SLC25A16: variants seen among roughly 807,000 people sequenced by gnomAD.
SLC25A16 encodes solute carrier family 25 member 16.
In SLC25A16, 39 loss-of-function variants were observed where a neutral mutation model predicts 41.5. The ratio of observed to expected loss-of-function variants is 0.94; its 90% CI spans 0.73 to 1.23. The LOEUF (loss-of-function observed/expected upper bound fraction) is 1.23. Among genes scored for constraint, SLC25A16 ranks in the 50% most tolerant of loss-of-function variants. The pLI is 0.00. For missense variants in SLC25A16, 421 were observed against 426.9 expected (o/e 0.99, Z 0.12); for synonymous variants, 146 against 147.8 (o/e 0.99, Z 0.09).
intron 2 of SLC25A16, among the ~76,000 whole-genome samples, chr10:68,515,997 A>G (rs2053155527): frequency 6.6e-6 from 1 of 152,150 alleles, no homozygotes; most frequent in African/African-American, 2.4e-5. Flanking sequence ...ATTATAATGG[A>G]TAAGAAATAT....
intron 3 of SLC25A16, among the ~76,000 whole-genome samples, chr10:68,504,056 C>T (rs938347723): frequency 7.4e-6 from 1 of 135,828 alleles, no homozygotes; most frequent in Admixed American, 8.2e-5. Context: ...GATGAAGTCT[C>T]GCTCTGTGTC....
chr10:68,507,318 G>A (rs1472566854), intron 2 of SLC25A16, among the ~76,000 whole-genome samples: 2 of 151,838 alleles, frequency 1.3e-5, no homozygotes, highest in African/African-American at 4.8e-5. Context: ...TGATCCACCC[G>A]TCTCGGCCTC....
intron 4 of SLC25A16, among the ~76,000 whole-genome samples, chr10:68,502,133 TG>T (rs55743073): frequency 0.73 from 110,797 of 151,376 alleles, 41,609 homozygotes; most frequent in East Asian, 0.84. Context: ...AGGCAGAGGT[TG>T]CAGTGAGCTG....
intron 1 of SLC25A16, among the ~76,000 whole-genome samples, chr10:68,520,248 C>T (rs922891056): frequency 6.6e-6 from 1 of 152,056 alleles, no homozygotes; most frequent in East Asian, 1.9e-4. Context: ...TGAGCCACCG[C>T]ACCCAGCCTA....
intron 6 of SLC25A16, among the ~76,000 whole-genome samples, chr10:68,489,195 G>C (rs2052615869): frequency 6.6e-6 from 1 of 152,130 alleles, no homozygotes; most frequent in African/African-American, 2.4e-5. Context: ...TTTGAACCCA[G>C]GAGGCGGAGT....
intron 2 of SLC25A16, among the ~76,000 whole-genome samples, chr10:68,509,309 C>A (rs2053013445): frequency 6.6e-6 from 1 of 152,104 alleles, no homozygotes; most frequent in Middle Eastern, 3.4e-3. Context: ...TGCACTCCAG[C>A]CTGGGCAACA....
At chr10:68,503,997 G>A (rs1412443384) in intron 3 of SLC25A16, among the ~76,000 whole-genome samples, 3 of 150,660 alleles carry the variant, frequency 2.0e-5, no homozygotes, top group Non-Finnish European at 4.4e-5. Flanking sequence ...GTGACTGGGG[G>A]TAGTAGGAAT....
intron 6 of SLC25A16, among the ~76,000 whole-genome samples, chr10:68,490,133 G>A (rs903546068): frequency 3.3e-5 from 5 of 151,932 alleles, no homozygotes; most frequent in African/African-American, 9.7e-5. Context: ...GCAGTGTTAC[G>A]TGTCTGCAGT....
Position 68,478,471 on chromosome 10 carries a change from T to A in SLC25A16, c.*4961A>T, listed in dbSNP as rs1325787799. 1.3e-5 allele frequency: 2 copies of A among 152,124 alleles called. No homozygotes were observed. The highest frequency in any genetic ancestry group is 4.8e-5 in the African/African-American group (2 of 41,442). 9.4% of individuals were successfully genotyped at this position (152,124 alleles called of 1,614,324 possible). A position where few individuals can be genotyped will look rare whatever the true frequency, so the allele number is the denominator to read the frequency against. On this transcript the variant is annotated 3_prime_UTR_variant, in exon 9 of 9. Transcript: ENST00000609923. ...TGATCCAACTCTGCAAGGCAACCCA[T>A]TAATTGTACATAGTTTGGGAATAAT...
chr10:68,509,038 A>G (rs951898726), intron 2 of SLC25A16, among the ~76,000 whole-genome samples: 1 of 152,162 alleles, frequency 6.6e-6, no homozygotes, highest in South Asian at 2.1e-4. Flanking sequence ...AAATAGATAC[A>G]GTACTTCTAA....
intron 1 of SLC25A16, among the ~76,000 whole-genome samples, chr10:68,522,205 A>C (rs1479508471): frequency 1.3e-5 from 2 of 152,080 alleles, no homozygotes; most frequent in South Asian, 2.1e-4. Flanking sequence ...TACATTACTT[A>C]TACGTGCAAT....
rs537465983 is a variant in SLC25A16, at chr10:68,523,241, C to T, written c.130+4005G>A. 1.3e-4 allele frequency among the ~76,000 whole-genome samples: 20 copies of T among 152,032 alleles called. No individual in the cohort carries two copies. In the South Asian group the frequency reaches 3.9e-3, roughly 30 times the overall value. ...AGTAGCTGGGACTACAACAGGTGGGCGCCACCATGCCCAGCTAATTTTTGT... is the reference window on the plus strand; with the variant it reads ...AGTAGCTGGGACTACAACAGGTGGGTGCCACCATGCCCAGCTAATTTTTGT... On this transcript the variant is annotated intron_variant, in intron 1 of 8. Coordinates refer to ENST00000609923, the MANE Select transcript of SLC25A16 (RefSeq NM_152707.4).
At chr10:68,485,446 A>G (rs1459749390) in intron 8 of SLC25A16, among the ~76,000 whole-genome samples, 2 of 150,712 alleles carry the variant, frequency 1.3e-5, no homozygotes, top group Non-Finnish European at 3.0e-5. Context: ...GTGCAGTGGC[A>G]TGATCTTGGC....
At chr10:68,521,089 G>A (rs1036414830) in intron 1 of SLC25A16, among the ~76,000 whole-genome samples, 122 of 151,750 alleles carry the variant, frequency 8.0e-4, no homozygotes, top group African/African-American at 2.7e-3. Flanking sequence ...AGCCGAGATC[G>A]CGCCACTGCA....
rs183267265 is a variant in SLC25A16 at position 68,504,846 on chromosome 10, A to G, written c.358-1151T>C. Among the ~76,000 whole-genome samples, 570 of 152,050 alleles carry G rather than the reference A, an allele frequency of 3.7e-3. 5 individuals carry two copies. The highest frequency in any genetic ancestry group is 0.013 in the African/African-American group (552 of 41,472). ...TAGGCATGCGCCACCACATCCAGCT[A>G]ATTTTGTATTTTTAGTAGAGAAGGG... On this transcript the variant is annotated intron_variant, in intron 3 of 8. Transcript: ENST00000609923.
chr10:68,493,540 A>G lies in SLC25A16; in HGVS notation c.452T>C (p.Leu151Pro), dbSNP rs1350021024. Reference protein sequence around the residue: ...GMTAVICTYPLDMVRVRLAFQ... With the variant: ...GMTAVICTYPPDMVRVRLAFQ... Reference sequence around the variant, plus strand: ...TGCTAGGCGGACCCTAACCATGTCAAGAGGGTAAGTACAGATAACTGCTGT... The same window carrying G: ...TGCTAGGCGGACCCTAACCATGTCAGGAGGGTAAGTACAGATAACTGCTGT... Residue 151 changes from leucine (L) to proline (P), a missense_variant, in exon 5 of 9, where the codon CTT (leucine) becomes CCT (proline). Coordinates refer to ENST00000609923, the MANE Select transcript of SLC25A16 (RefSeq NM_152707.4). 2 of 1,613,146 alleles carry G rather than the reference A, an allele frequency of 1.2e-6. No homozygotes were observed. Among genetic ancestry groups the G allele is most frequent in the South Asian group, 2.2e-5 (2 of 91,062 alleles).
At position 68,493,524 on chromosome 10, in the gene SLC25A16, G is replaced by A. The variant is rs772417658; in HGVS notation, c.468C>T (p.Val156=). The A allele has an allele frequency of 2.5e-6, 4 of 1,612,734 alleles. No homozygotes were observed. Among genetic ancestry groups the A allele is most frequent in the Non-Finnish European group, 3.4e-6 (4 of 1,178,908 alleles). ...ICTYPLDMVR[V]RLAFQVKGEH... is the part of the protein sequence containing the mutation. ...CCCCTTTCACCTGGAATGCTAGGCG[G>A]ACCCTAACCATGTCAAGAGGGTAAG... The change falls in exon 5 of 9, where the codon GTC becomes GTT. Residue 156 remains valine (V), a synonymous_variant. Coordinates refer to ENST00000609923, the MANE Select transcript of SLC25A16 (RefSeq NM_152707.4).
chr10:68,518,810 T>TTAAA (rs939521182), intron 1 of SLC25A16, among the ~76,000 whole-genome samples: 2 of 94,488 alleles, frequency 2.1e-5, no homozygotes, highest in South Asian at 4.7e-4. Flanking sequence ...AATAAATAAA[T>TTAAA]TAAATAAATA....
chr10:68,492,540 G>A (rs61856472), intron 6 of SLC25A16, among the ~76,000 whole-genome samples: 13,562 of 152,100 alleles, frequency 0.089, 932 homozygotes, highest in South Asian at 0.25. Context: ...AGGCCAAGGC[G>A]GGTAGATCAC....
Sources: gnomAD v4.1 joint callset for allele counts (sites outside exome capture counted in the v4.1 genomes callset) on GRCh38, gnomAD v4.1.1 for gene constraint, MANE v1.5 for transcripts, NCBI Gene and HGNC (gene_info 2026-07-23, HGNC 2026-07-21) for gene names.